Variants in TMTC2 observed in about 807,000 individuals in gnomAD.
TMTC2 encodes the protein transmembrane O-mannosyltransferase targeting cadherins 2.
Under a neutral mutation model 82.4 loss-of-function variants are expected in TMTC2, and 43 were observed. The ratio of observed to expected loss-of-function variants is 0.52; its 90% CI spans 0.41 to 0.67. The LOEUF (loss-of-function observed/expected upper bound fraction) is 0.67, where lower values mean the gene tolerates loss of function less well. Ranked by LOEUF, TMTC2 falls within the 30% of genes least tolerant of loss-of-function variation. TMTC2 has a pLI of 0.00. For missense variants in TMTC2, 919 were observed against 1,012.4 expected (o/e 0.91, Z 1.25); for synonymous variants, 408 against 381.9 (o/e 1.07, Z -0.80).
chr12:83,076,259 G>A (rs1347076202), intron 11 of TMTC2, among the ~76,000 whole-genome samples: 1 of 152,164 alleles, frequency 6.6e-6, no homozygotes, highest in Non-Finnish European at 1.5e-5. Flanking sequence ...GAAAGATCAA[G>A]GGAGTTGAGG....
At chr12:82,756,860 G>A (rs373898684) in intron 1 of TMTC2, among the ~76,000 whole-genome samples, 4 of 152,262 alleles carry the variant, frequency 2.6e-5, no homozygotes, top group South Asian at 2.1e-4. Flanking sequence ...TCACCCAAAT[G>A]GAGCCCTTTG....
chr12:82,960,778 T>C (rs773368070), intron 4 of TMTC2, among the ~76,000 whole-genome samples: 7 of 148,526 alleles, frequency 4.7e-5, no homozygotes, highest in Non-Finnish European at 8.9e-5. Flanking sequence ...ATGAACCCCT[T>C]GAATCTAAAA....
chr12:82,846,440 A>G (rs1044554242), intron 1 of TMTC2, among the ~76,000 whole-genome samples: 2 of 152,092 alleles, frequency 1.3e-5, no homozygotes, highest in Non-Finnish European at 2.9e-5. Context: ...CTCATCATCC[A>G]TGGAAGCTCT....
chr12:82,790,792 A>G (rs568401393), intron 1 of TMTC2, among the ~76,000 whole-genome samples: 31 of 150,314 alleles, frequency 2.1e-4, no homozygotes, highest in African/African-American at 7.1e-4. Context: ...GCGCCTTTGC[A>G]CTCCAGCCTG....
chr12:83,113,834 T>C (rs79276527), intron 11 of TMTC2, among the ~76,000 whole-genome samples: 5,521 of 152,280 alleles, frequency 0.036, 164 homozygotes, highest in Non-Finnish European at 0.054. Context: ...TCTGGAGAAA[T>C]TGCTGTGCTC....
intron 2 of TMTC2, among the ~76,000 whole-genome samples, chr12:82,881,829 T>C (rs1872837977): frequency 6.6e-6 from 1 of 152,200 alleles, no homozygotes. Flanking sequence ...CATTTATTTA[T>C]AACAAGTATT....
At chr12:82,848,145 TGAA>T (rs1870791319) in intron 1 of TMTC2, among the ~76,000 whole-genome samples, 1 of 152,080 alleles carries the variant, frequency 6.6e-6, no homozygotes, top group Non-Finnish European at 1.5e-5. Flanking sequence ...GTCCATCCCA[TGAA>T]GAAGAATCAT....
Position 82,721,736 on chromosome 12 carries a change from G to A in TMTC2, c.83+34067G>A, listed in dbSNP as rs1258488765. Among the ~76,000 whole-genome samples, 3 of 152,208 alleles carry A rather than the reference G, an allele frequency of 2.0e-5. No homozygotes were observed. In the East Asian group the frequency reaches 5.8e-4, roughly 29 times the overall value. ...TATTTAAATATTTATGGAAAAGTCA[G>A]TGTCTTGCCCTGACTAAATTTCTGA... On this transcript the variant is annotated intron_variant, in intron 1 of 11. Coordinates refer to ENST00000321196, the MANE Select transcript of TMTC2 (RefSeq NM_152588.3).
intron 8 of TMTC2, among the ~76,000 whole-genome samples, chr12:82,987,725 C>T (rs937908376): frequency 2.0e-5 from 3 of 152,106 alleles, no homozygotes; most frequent in South Asian, 2.1e-4. Flanking sequence ...TAGGAAACAA[C>T]GCTTTGGGCC....
At chr12:82,953,752 T>C (rs1247817133) in intron 4 of TMTC2, among the ~76,000 whole-genome samples, 2 of 152,066 alleles carry the variant, frequency 1.3e-5, no homozygotes, top group East Asian at 3.9e-4. Flanking sequence ...CTGCAACCAA[T>C]GTTGGTTCAT....
chr12:82,737,952 A>T (rs1875205127), intron 1 of TMTC2, among the ~76,000 whole-genome samples: 1 of 152,198 alleles, frequency 6.6e-6, no homozygotes, highest in South Asian at 2.1e-4. Context: ...GGAATAATAA[A>T]TGTATGTTGG....
chr12:83,091,413 T>C (rs1203233939), intron 11 of TMTC2, among the ~76,000 whole-genome samples: 4 of 152,212 alleles, frequency 2.6e-5, no homozygotes, highest in Admixed American at 2.6e-4. Flanking sequence ...CTAAGATAAA[T>C]TTCCAAAATT....
chr12:82,694,059 C>CT (rs954265792), intron 1 of TMTC2, among the ~76,000 whole-genome samples: 17 of 145,836 alleles, frequency 1.2e-4, no homozygotes, highest in African/African-American at 3.8e-4. Context: ...ATAACTTTGA[C>CT]TTTTTTTTAA....
intron 1 of TMTC2, among the ~76,000 whole-genome samples, chr12:82,815,301 A>ATTTAT (rs1565762223): frequency 5.5e-5 from 8 of 146,788 alleles, no homozygotes; most frequent in African/African-American, 2.0e-4. Flanking sequence ...TTTTTAATTA[A>ATTTAT]TTAATTAATT....
At chr12:83,069,032 G>A (rs985884362) in intron 11 of TMTC2, among the ~76,000 whole-genome samples, 3 of 152,102 alleles carry the variant, frequency 2.0e-5, no homozygotes, top group African/African-American at 7.2e-5. Context: ...CGCAAATGCT[G>A]TTAATTCATT....
At chr12:82,730,390 T>A (rs1481682607) in intron 1 of TMTC2, among the ~76,000 whole-genome samples, 2 of 151,966 alleles carry the variant, frequency 1.3e-5, no homozygotes, top group Non-Finnish European at 2.9e-5. Flanking sequence ...TTTCTTCTGC[T>A]ATTGGAATAA....
chr12:83,092,059 AG>A (rs1830181801), intron 11 of TMTC2, among the ~76,000 whole-genome samples: 1 of 152,206 alleles, frequency 6.6e-6, no homozygotes, highest in Non-Finnish European at 1.5e-5. Flanking sequence ...ATCATTTTTC[AG>A]GGGAAGGGAG....
At chr12:82,745,749 T>G (rs938113121) in intron 1 of TMTC2, among the ~76,000 whole-genome samples, 6 of 152,206 alleles carry the variant, frequency 3.9e-5, no homozygotes, top group African/African-American at 9.7e-5. Flanking sequence ...TGTGCTTTTA[T>G]GAGATACAGA....
intron 1 of TMTC2, among the ~76,000 whole-genome samples, chr12:82,802,592 A>G (rs1302462367): frequency 6.6e-6 from 1 of 152,228 alleles, no homozygotes; most frequent in Non-Finnish European, 1.5e-5. Context: ...CGATAATTCA[A>G]GAAAACTTTT....
Sources: allele counts gnomAD v4.1 joint callset (sites outside exome capture counted in the v4.1 genomes callset), GRCh38; gene constraint gnomAD v4.1.1; transcripts MANE v1.5; gene names NCBI Gene and HGNC (gene_info 2026-07-23, HGNC 2026-07-21).